ATRNL1: variants seen among roughly 807,000 people sequenced by gnomAD.
ATRNL1 encodes attractin-like protein 1.
In ATRNL1, 95 loss-of-function variants were observed where a neutral mutation model predicts 182.7. That is an observed-to-expected ratio of 0.52 (90% CI 0.44 to 0.62). ATRNL1 has a LOEUF of 0.62. ATRNL1 is among the 20% of genes least tolerant of loss of function. The probability of loss-of-function intolerance (pLI) is 0.00; values close to 1 mark genes in which losing one functional copy is unlikely to be tolerated. For missense variants in ATRNL1, 1,471 were observed against 1,679.5 expected (o/e 0.88, Z 2.17); for synonymous variants, 576 against 568.3 (o/e 1.01, Z -0.19).
At chr10:115,193,635 A>G (rs1422953644) in intron 8 of ATRNL1, among the ~76,000 whole-genome samples, 3 of 151,576 alleles carry the variant, frequency 2.0e-5, no homozygotes, top group Admixed American at 6.6e-5. Context: ...AGATTTGTCT[A>G]TATTTTCATC....
chr10:115,206,735 G>T (rs1292417686), intron 8 of ATRNL1, among the ~76,000 whole-genome samples: 1 of 151,862 alleles, frequency 6.6e-6, no homozygotes, highest in Non-Finnish European at 1.5e-5. Context: ...TGTGCACAAC[G>T]TGCAGGTTTG....
intron 11 of ATRNL1, 27 bp downstream of exon 11, chr10:115,265,304 A>G: frequency 7.0e-7 from 1 of 1,435,210 alleles, no homozygotes; most frequent in Non-Finnish European, 9.7e-7. Context: ...TCCAATTTTT[A>G]GAGGGTCACT....
intron 24 of ATRNL1, among the ~76,000 whole-genome samples, chr10:115,489,800 A>C (rs1342232929): frequency 1.3e-5 from 2 of 152,088 alleles, no homozygotes; most frequent in African/African-American, 2.4e-5. Flanking sequence ...CTGTTAGTTG[A>C]TGCAGTTTCT....
At chr10:115,868,915 C>T (rs1441507596) in intron 28 of ATRNL1, among the ~76,000 whole-genome samples, 3 of 145,772 alleles carry the variant, frequency 2.1e-5, no homozygotes, top group African/African-American at 5.1e-5. Flanking sequence ...CTGCAAGCTC[C>T]GCCTCCCAGG....
chr10:115,754,818 A>G (rs1948543089), intron 27 of ATRNL1, among the ~76,000 whole-genome samples: 1 of 152,186 alleles, frequency 6.6e-6, no homozygotes, highest in South Asian at 2.1e-4. Flanking sequence ...ATGTTTTTCC[A>G]TTTGTTTGTT....
intron 10 of ATRNL1, among the ~76,000 whole-genome samples, chr10:115,250,545 G>A (rs1365578899): frequency 6.6e-6 from 1 of 152,182 alleles, no homozygotes; most frequent in African/African-American, 2.4e-5. Context: ...GGAAAGAGCT[G>A]GCAGCCTTTA....
chr10:115,630,827 T>C (rs943782708), intron 26 of ATRNL1, among the ~76,000 whole-genome samples: 1 of 129,836 alleles, frequency 7.7e-6, no homozygotes, highest in Non-Finnish European at 1.6e-5. Context: ...ATATGTATTA[T>C]ACACACACAC....
At chr10:115,110,220 T>C (rs1203908694) in intron 1 of ATRNL1, among the ~76,000 whole-genome samples, 2 of 152,198 alleles carry the variant, frequency 1.3e-5, no homozygotes, top group Non-Finnish European at 2.9e-5. Flanking sequence ...GATTATGTTA[T>C]GTCATTTGTC....
chr10:115,206,456 A>G (rs1474461014), intron 8 of ATRNL1, among the ~76,000 whole-genome samples: 1 of 152,086 alleles, frequency 6.6e-6, no homozygotes, highest in African/African-American at 2.4e-5. Context: ...ATCACTTCAT[A>G]TATAGTGTCA....
At chr10:115,618,609 T>C (rs1857560433) in intron 26 of ATRNL1, among the ~76,000 whole-genome samples, 1 of 152,116 alleles carries the variant, frequency 6.6e-6, no homozygotes, top group African/African-American at 2.4e-5. Flanking sequence ...TGATCTACAC[T>C]GTTGTCAAAG....
intron 28 of ATRNL1, among the ~76,000 whole-genome samples, chr10:115,921,278 A>C (rs1555118692): frequency 6.6e-6 from 1 of 152,192 alleles, no homozygotes; most frequent in East Asian, 1.9e-4. Context: ...AGAGAAAAAA[A>C]TAATTATAGA....
chr10:115,725,817 A>G lies in ATRNL1; in HGVS notation c.3796-1431A>G, dbSNP rs1947580003. Among the ~76,000 whole-genome samples the G allele has an allele frequency of 2.6e-5, 4 of 152,166 alleles. No individual in the cohort carries two copies. The South Asian group carries it at 8.3e-4, about 31-fold the overall frequency. ...ATCAATTTCCCATTCCTATTGAGAG[A>G]GGCATAAACCAGATTCTATTTGCCA... On this transcript the variant is annotated intron_variant, in intron 26 of 28. Transcript: ENST00000355044.
intron 19 of ATRNL1, among the ~76,000 whole-genome samples, chr10:115,348,966 T>C (rs1243135622): frequency 6.6e-6 from 1 of 152,208 alleles, no homozygotes; most frequent in Admixed American, 6.5e-5. Context: ...TTGTGAATGC[T>C]CCAAGTCTAC....
chr10:115,116,368 G>T (rs1405638150), intron 1 of ATRNL1, among the ~76,000 whole-genome samples: 1 of 151,958 alleles, frequency 6.6e-6, no homozygotes, highest in Non-Finnish European at 1.5e-5. Context: ...CTTTCTTTAG[G>T]GAGTTGAACT....
intron 1 of ATRNL1, among the ~76,000 whole-genome samples, chr10:115,102,053 A>G (rs1044996090): frequency 6.6e-6 from 1 of 152,186 alleles, no homozygotes; most frequent in Non-Finnish European, 1.5e-5. Flanking sequence ...CAAGTCTTCT[A>G]CAACCATTCT....
chr10:115,375,605 CTTT>C (rs1857628392), intron 19 of ATRNL1, among the ~76,000 whole-genome samples: 2 of 151,730 alleles, frequency 1.3e-5, no homozygotes, highest in African/African-American at 4.8e-5. Flanking sequence ...TGCTCTCATT[CTTT>C]TTTCTTTATC....
intron 28 of ATRNL1, among the ~76,000 whole-genome samples, chr10:115,931,997 T>G (rs1953410878): frequency 6.6e-6 from 1 of 152,184 alleles, no homozygotes; most frequent in Non-Finnish European, 1.5e-5. Flanking sequence ...GTCTGTTCTC[T>G]CTCTGATTTA....
rs543257157 is a variant in ATRNL1 at position 115,740,547 on chromosome 10, C to T, written c.3903+13192C>T. ...TTTTGAGACGGAGTCTTGCTCTGTC[C>T]CAGGCTGGAGTGCAGTGGCACAATC... On this transcript the variant is annotated intron_variant, in intron 27 of 28. Coordinates refer to ENST00000355044, the MANE Select transcript of ATRNL1 (RefSeq NM_207303.4). Among the ~76,000 whole-genome samples, 5 of 151,966 alleles carry T rather than the reference C, an allele frequency of 3.3e-5. No individual in the cohort carries two copies. In the South Asian group the frequency reaches 6.3e-4, roughly 19 times the overall value.
Position 115,642,335 on chromosome 10 carries a change from G to A in ATRNL1, c.3796-84913G>A, listed in dbSNP as rs541678111. On this transcript the variant is annotated intron_variant, in intron 26 of 28. Transcript: ENST00000355044. ...CTGATGAAAGAAATCAAAGAATACCGAACTAATGAAGAAATAGACATTTTT... is the reference window on the plus strand; with the variant it reads ...CTGATGAAAGAAATCAAAGAATACCAAACTAATGAAGAAATAGACATTTTT... 1.1e-4 allele frequency among the ~76,000 whole-genome samples: 16 copies of A among 152,012 alleles called. No homozygotes were observed. In the South Asian group the frequency reaches 2.9e-3, roughly 28 times the overall value.
Sources: gnomAD v4.1 joint callset for allele counts (sites outside exome capture counted in the v4.1 genomes callset) on GRCh38, gnomAD v4.1.1 for gene constraint, MANE v1.5 for transcripts, NCBI Gene and HGNC (gene_info 2026-07-23, HGNC 2026-07-21) for gene names.